The following SPAG16 variants were observed in gnomAD, a reference collection of about 807,000 sequenced individuals.
SPAG16 encodes the protein sperm associated antigen 16.
A neutral mutation model predicts 80.4 loss-of-function variants in SPAG16; 86 were observed. The observed-to-expected ratio is 1.07, with a 90% CI of 0.90 to 1.28. SPAG16 has a LOEUF of 1.28. SPAG16 is among the 50% of genes most tolerant of loss of function. The pLI is 0.00. For missense variants in SPAG16, 870 were observed against 765.3 expected, an observed-to-expected ratio of 1.14 and a Z score of -1.61; for synonymous variants, 294 against 265.9, an observed-to-expected ratio of 1.11 and a Z score of -1.03.
intron 10 of SPAG16, among the ~76,000 whole-genome samples, chr2:213,850,457 G>A (rs1183050056): frequency 6.6e-6 from 1 of 152,210 alleles, no homozygotes; most frequent in Non-Finnish European, 1.5e-5. Flanking sequence ...GAGTAGAAAT[G>A]TGATTGGACA....
chr2:213,520,542 C>A (rs1442679188), intron 10 of SPAG16, among the ~76,000 whole-genome samples: 1 of 151,682 alleles, frequency 6.6e-6, no homozygotes. Context: ...TGCAGTGAGC[C>A]GAGATCACAC....
At chr2:213,290,095 G>A (rs909255652) in intron 1 of SPAG16, among the ~76,000 whole-genome samples, 3 of 152,206 alleles carry the variant, frequency 2.0e-5, no homozygotes, top group South Asian at 4.1e-4. Flanking sequence ...GGGCTCCCTG[G>A]CAGTTTCAGT....
intron 10 of SPAG16, among the ~76,000 whole-genome samples, chr2:213,848,174 C>A (rs79207160): frequency 5.3e-5 from 8 of 152,170 alleles, no homozygotes; most frequent in African/African-American, 1.9e-4. Context: ...GGAAGCTCTA[C>A]GTCTTGTCTG....
chr2:214,155,600 G>A (rs1432608425), intron 15 of SPAG16, among the ~76,000 whole-genome samples: 1 of 152,068 alleles, frequency 6.6e-6, no homozygotes, highest in Non-Finnish European at 1.5e-5. Context: ...AGCCTCCTGA[G>A]AAGCTAGGAA....
intron 10 of SPAG16, among the ~76,000 whole-genome samples, chr2:213,552,051 T>C (rs1201371261): frequency 6.6e-6 from 1 of 152,158 alleles, no homozygotes; most frequent in Non-Finnish European, 1.5e-5. Flanking sequence ...TTCATATCAG[T>C]TGTTTGTAAG....
At chr2:213,321,946 C>G (rs191623103) in intron 5 of SPAG16, among the ~76,000 whole-genome samples, 20 of 152,136 alleles carry the variant, frequency 1.3e-4, no homozygotes, top group Admixed American at 7.2e-4. Context: ...ATGCAAAAGT[C>G]TAAAGTTGCA....
chr2:213,523,216 T>G (rs1351115911), intron 10 of SPAG16, among the ~76,000 whole-genome samples: 1 of 152,152 alleles, frequency 6.6e-6, no homozygotes, highest in Non-Finnish European at 1.5e-5. Flanking sequence ...TCTGATTGTT[T>G]ATAAAGGGCT....
intron 10 of SPAG16, among the ~76,000 whole-genome samples, chr2:213,541,593 C>G (rs942019624): frequency 3.9e-5 from 6 of 152,072 alleles, no homozygotes; most frequent in Admixed American, 2.0e-4. Flanking sequence ...GCACTCCAGC[C>G]TGGGTGACAC....
intron 10 of SPAG16, among the ~76,000 whole-genome samples, chr2:213,697,382 T>C (rs1454676682): frequency 6.6e-6 from 1 of 152,192 alleles, no homozygotes; most frequent in African/African-American, 2.4e-5. Context: ...CAAAATAGAA[T>C]TGCTGTGCAT....
At chr2:214,154,509 C>G (rs1449447607) in intron 15 of SPAG16, among the ~76,000 whole-genome samples, 1 of 126,608 alleles carries the variant, frequency 7.9e-6, no homozygotes, top group African/African-American at 3.0e-5. Flanking sequence ...CCCCCCCCCC[C>G]CATTTTTTCA....
Position 214,056,846 on chromosome 2 carries a change from T to C in SPAG16, c.1527+42769T>C, listed in dbSNP as rs151265202. ...AGTTAAGTTTATGGAATGTTCTAAA[T>C]CCTTTGTTGTAATTTCAGCAATGTT... On this transcript the variant is annotated intron_variant, in intron 13 of 15. Transcript: ENST00000331683. Among the ~76,000 whole-genome samples, 1,109 of 152,308 alleles carry C rather than the reference T, an allele frequency of 7.3e-3. 56 individuals carry two copies. The highest frequency in any genetic ancestry group is 0.062 in the Admixed American group (941 of 15,290).
intron 9 of SPAG16, among the ~76,000 whole-genome samples, chr2:213,475,960 G>A (rs1405257034): frequency 2.6e-5 from 4 of 152,166 alleles, no homozygotes; most frequent in African/African-American, 9.7e-5. Context: ...TAAATGCAGA[G>A]GAGGGAAGGT....
intron 1 of SPAG16, 27 bp downstream of exon 1, chr2:213,284,646 G>C (rs1311922960): frequency 1.3e-6 from 2 of 1,597,148 alleles, no homozygotes; most frequent in South Asian, 2.2e-5. Flanking sequence ...GGCGCGGCCC[G>C]CTGCGCTGGC....
intron 13 of SPAG16, among the ~76,000 whole-genome samples, chr2:214,032,156 T>C (rs1385375033): frequency 1.3e-5 from 2 of 152,194 alleles, no homozygotes; most frequent in East Asian, 3.9e-4. Context: ...AAAGTATTTG[T>C]CTTAGGGTAC....
chr2:213,927,941 T>C (rs1265650578), intron 11 of SPAG16, among the ~76,000 whole-genome samples: 1 of 152,242 alleles, frequency 6.6e-6, no homozygotes, highest in Non-Finnish European at 1.5e-5. Flanking sequence ...TGTTCAATCT[T>C]TAATATTAAA....
At chr2:213,725,758 G>C (rs1012445248) in intron 10 of SPAG16, among the ~76,000 whole-genome samples, 1 of 152,250 alleles carries the variant, frequency 6.6e-6, no homozygotes, top group South Asian at 2.1e-4. Context: ...GCCAAAGCTA[G>C]TTTCTATGTA....
At chr2:213,619,526 A>T (rs1010355999) in intron 10 of SPAG16, among the ~76,000 whole-genome samples, 2 of 152,248 alleles carry the variant, frequency 1.3e-5, no homozygotes, top group African/African-American at 4.8e-5. Context: ...GACATTCCTC[A>T]AAAGAAGATA....
rs916995524 is a variant in SPAG16 at position 213,826,563 on chromosome 2, T to C, written c.1071-35922T>C. Among the ~76,000 whole-genome samples the C allele has an allele frequency of 4.1e-4, 62 of 152,134 alleles. 1 individual carries two copies. The highest frequency in any genetic ancestry group is 1.4e-3 in the African/African-American group (60 of 41,580). On this transcript the variant is annotated intron_variant, in intron 10 of 15. Transcript: ENST00000331683. ...TTTGTATAGTTTCCAATATTCTTCT[T>C]GTTATTGAATTGTAGTTTTATTCCA...
intron 10 of SPAG16, among the ~76,000 whole-genome samples, chr2:213,536,078 T>G (rs1215005090): frequency 7.9e-5 from 12 of 152,152 alleles, no homozygotes; most frequent in Non-Finnish European, 7.4e-5. Flanking sequence ...GTTTGTGTAT[T>G]GGATTTTATT....
Sources: allele counts gnomAD v4.1 joint callset (sites outside exome capture counted in the v4.1 genomes callset), GRCh38; gene constraint gnomAD v4.1.1; transcripts MANE v1.5; gene names NCBI Gene and HGNC (gene_info 2026-07-23, HGNC 2026-07-21).